LSAMP: variants seen among roughly 807,000 people sequenced by gnomAD.
LSAMP encodes the protein limbic system-associated membrane protein.
In LSAMP, 7 loss-of-function variants were observed where a neutral mutation model predicts 38.6. The ratio of observed to expected loss-of-function variants is 0.18; its 90% confidence interval spans 0.10 to 0.34. The LOEUF is 0.34. LSAMP is among the 10% of genes least tolerant of loss of function. The probability of loss-of-function intolerance (pLI) is 1.00; values close to 1 mark genes in which losing one functional copy is unlikely to be tolerated. For synonymous variants in LSAMP, 154 were observed against 166.8 expected, an observed-to-expected ratio of 0.92 and a Z score of 0.59; for missense variants, 313 against 420.0, an observed-to-expected ratio of 0.75 and a Z score of 2.23.
intron 3 of LSAMP, among the ~76,000 whole-genome samples, chr3:115,964,814 A>G (rs1938745123): frequency 6.6e-6 from 1 of 152,168 alleles, no homozygotes; most frequent in Non-Finnish European, 1.5e-5. Flanking sequence ...TACCAAATGT[A>G]GAGATAAATC....
At chr3:115,941,749 A>G (rs1032704271) in intron 3 of LSAMP, among the ~76,000 whole-genome samples, 5 of 152,208 alleles carry the variant, frequency 3.3e-5, no homozygotes, top group South Asian at 4.1e-4. Context: ...CTAAATAAGT[A>G]GAACTCATAG....
chr3:115,820,622 A>G (rs1326743503), intron 6 of LSAMP, among the ~76,000 whole-genome samples: 2 of 151,952 alleles, frequency 1.3e-5, no homozygotes, highest in African/African-American at 2.4e-5. Context: ...CATTGATTCA[A>G]CCTCTCTTAT....
Position 115,810,241 on chromosome 3 carries a change from C to G in LSAMP, c.*76G>C, listed in dbSNP as rs75235287. ...CCCCCATCTCTCTCTCTCTCTCTCTCTCTGTCTCTCTCTCTCTGTATTCTG... is the reference window on the plus strand; with the variant it reads ...CCCCCATCTCTCTCTCTCTCTCTCTGTCTGTCTCTCTCTCTCTGTATTCTG... On this transcript the variant is annotated 3_prime_UTR_variant, in exon 7 of 7. Coordinates refer to ENST00000490035, the MANE Select transcript of LSAMP (RefSeq NM_002338.5). 2,806 of 802,170 alleles carry G rather than the reference C, an allele frequency of 3.5e-3. 11 individuals are homozygous for G. Among genetic ancestry groups the G allele is most frequent in the African/African-American group, 0.022 (1,230 of 56,432 alleles). The allele number at this position is 802,170 out of a possible 1,614,324, so 49.7% of individuals were successfully genotyped here.
chr3:116,066,000 T>C (rs1707418952), intron 2 of LSAMP, among the ~76,000 whole-genome samples: 1 of 152,250 alleles, frequency 6.6e-6, no homozygotes, highest in South Asian at 2.1e-4. Context: ...GAACATACAG[T>C]AGTGTCTTTA....
intron 1 of LSAMP, among the ~76,000 whole-genome samples, chr3:116,271,595 C>T (rs927604935): frequency 4.6e-5 from 7 of 152,200 alleles, no homozygotes; most frequent in African/African-American, 1.7e-4. Context: ...GTTGGGGCCA[C>T]ATGCTTTAGG....
At chr3:116,070,715 A>G (rs919238515) in intron 2 of LSAMP, among the ~76,000 whole-genome samples, 1 of 152,212 alleles carries the variant, frequency 6.6e-6, no homozygotes, top group Non-Finnish European at 1.5e-5. Flanking sequence ...GTGACTGTGC[A>G]GGCAGCATTA....
At chr3:116,440,749 G>A (rs1292418172) in intron 1 of LSAMP, among the ~76,000 whole-genome samples, 2 of 152,094 alleles carry the variant, frequency 1.3e-5, no homozygotes, top group Non-Finnish European at 2.9e-5. Context: ...TGCAATGCAC[G>A]ATCCTTACAG....
chr3:116,178,479 G>A (rs898225489), intron 1 of LSAMP, among the ~76,000 whole-genome samples: 1 of 152,128 alleles, frequency 6.6e-6, no homozygotes, highest in Non-Finnish European at 1.5e-5. Context: ...AAAGAGATGA[G>A]ATTTAAAGCA....
At chr3:116,189,610 G>T (rs1044214678) in intron 1 of LSAMP, among the ~76,000 whole-genome samples, 7 of 152,154 alleles carry the variant, frequency 4.6e-5, no homozygotes, top group African/African-American at 1.2e-4. Flanking sequence ...TTCCAAAGCT[G>T]CTTGGATTCA....
intron 2 of LSAMP, among the ~76,000 whole-genome samples, chr3:116,053,094 TGAAATATG>T (rs1941425845): frequency 6.6e-6 from 1 of 152,140 alleles, no homozygotes; most frequent in African/African-American, 2.4e-5. Flanking sequence ...ATTTCACACT[TGAAATATG>T]GAAATATGGA....
rs36216707 is a variant in LSAMP, at chr3:116,200,093, TACACACACACACACACAC to T, written c.156-113555_156-113538del. ...GTTTTACTGTTTTTCAGTCTTACTTTACACACACACACACACACACACACACACACACACAGCTACATG... is the reference window on the plus strand; with the variant it reads ...GTTTTACTGTTTTTCAGTCTTACTTTACACACACACACACACAGCTACATG... On this transcript the variant is annotated intron_variant, in intron 1 of 6. Coordinates refer to ENST00000490035, the MANE Select transcript of LSAMP (RefSeq NM_002338.5). 2.5e-3 allele frequency among the ~76,000 whole-genome samples: 369 copies of T among 149,366 alleles called. 1 individual carries two copies. Among genetic ancestry groups the T allele is most frequent in the African/African-American group, 8.6e-3 (349 of 40,534 alleles).
intron 3 of LSAMP, among the ~76,000 whole-genome samples, chr3:115,909,479 A>G (rs1489969928): frequency 6.6e-6 from 1 of 152,124 alleles, no homozygotes; most frequent in Non-Finnish European, 1.5e-5. Flanking sequence ...CCTAGCTTAC[A>G]TTAGTTCTTG....
chr3:115,813,317 C>T (rs1933900480), intron 6 of LSAMP, among the ~76,000 whole-genome samples: 1 of 152,060 alleles, frequency 6.6e-6, no homozygotes, highest in South Asian at 2.1e-4. Flanking sequence ...CTTACCATTG[C>T]CCATAGTATT....
chr3:115,901,237 A>C (rs1264425713), intron 3 of LSAMP, among the ~76,000 whole-genome samples: 1 of 151,966 alleles, frequency 6.6e-6, no homozygotes, highest in Non-Finnish European at 1.5e-5. Context: ...TTACATAATC[A>C]CTGGCTTTTG....
At chr3:115,994,247 G>A (rs930239818) in intron 3 of LSAMP, among the ~76,000 whole-genome samples, 3 of 151,936 alleles carry the variant, frequency 2.0e-5, no homozygotes, top group African/African-American at 7.2e-5. Flanking sequence ...AGGGAAAGAG[G>A]GAGGAACCAG....
chr3:115,886,405 A>G lies in LSAMP; in HGVS notation c.515-33788T>C, dbSNP rs1001167258. ...GGCCATGACCCAGTCCATGGGTTAC[A>G]CTTCAAGTGGCAGTGATGTAAATGA... On this transcript the variant is annotated intron_variant, in intron 3 of 6. Coordinates refer to ENST00000490035, the MANE Select transcript of LSAMP (RefSeq NM_002338.5). Among the ~76,000 whole-genome samples, 6 of 151,984 alleles carry G rather than the reference A, an allele frequency of 3.9e-5. 1 individual carries two copies. The East Asian group carries it at 9.7e-4, about 24-fold the overall frequency.
intron 1 of LSAMP, among the ~76,000 whole-genome samples, chr3:116,328,680 C>A (rs2047808150): frequency 6.6e-6 from 1 of 152,010 alleles, no homozygotes; most frequent in African/African-American, 2.4e-5. Flanking sequence ...ACTGCCTTGT[C>A]AACAAAGAAG....
At chr3:116,142,415 G>T (rs1709390726) in intron 1 of LSAMP, among the ~76,000 whole-genome samples, 1 of 152,046 alleles carries the variant, frequency 6.6e-6, no homozygotes, top group South Asian at 2.1e-4. Context: ...TGTCCCCTCT[G>T]TTACTCCTAA....
At chr3:116,418,969 G>A (rs1411834509) in intron 1 of LSAMP, among the ~76,000 whole-genome samples, 1 of 152,154 alleles carries the variant, frequency 6.6e-6, no homozygotes, top group Non-Finnish European at 1.5e-5. Flanking sequence ...GCTTTTGCAT[G>A]TGCTATTTCC....
Sources: gnomAD v4.1 joint callset for allele counts (sites outside exome capture counted in the v4.1 genomes callset) on GRCh38, gnomAD v4.1.1 for gene constraint, MANE v1.5 for transcripts, NCBI Gene and HGNC (gene_info 2026-07-23, HGNC 2026-07-21) for gene names.